The following SERPINB8 variants were observed in gnomAD, a reference collection of about 807,000 sequenced individuals.
SERPINB8 encodes the protein serpin family B member 8.
In SERPINB8, 25 loss-of-function variants were observed where a neutral mutation model predicts 35.3. The ratio of observed to expected loss-of-function variants is 0.71; its 90% CI spans 0.52 to 0.99. SERPINB8 has a LOEUF of 0.99. SERPINB8 is among the 50% of genes least tolerant of loss of function. SERPINB8 has a pLI of 0.00. For missense variants in SERPINB8, 484 were observed against 446.5 expected, an observed-to-expected ratio of 1.08 and a Z score of -0.76; for synonymous variants, 186 against 160.8, an observed-to-expected ratio of 1.16 and a Z score of -1.19.
At chr18:63,978,042 G>A (rs538593507) in intron 1 of SERPINB8, among the ~76,000 whole-genome samples, 8 of 152,180 alleles carry the variant, frequency 5.3e-5, no homozygotes, top group African/African-American at 9.6e-5. Context: ...TTTTAAGGAC[G>A]CTCGTGATTC....
intron 1 of SERPINB8, 46 bp from the exon 2 acceptor site, chr18:63,978,253 G>C: frequency 5.0e-6 from 8 of 1,603,570 alleles, no homozygotes; most frequent in Non-Finnish European, 6.8e-6. Context: ...CGTGGCTACC[G>C]GAGTCATTGG....
intron 1 of SERPINB8, among the ~76,000 whole-genome samples, chr18:63,996,704 C>T (rs963647550): frequency 5.9e-5 from 9 of 152,196 alleles, no homozygotes; most frequent in Admixed American, 1.3e-4. Flanking sequence ...ATGACTTTCA[C>T]GCAGCAACCC....
At chr18:63,997,830 G>T (rs574385060) in intron 1 of SERPINB8, among the ~76,000 whole-genome samples, 3 of 152,298 alleles carry the variant, frequency 2.0e-5, no homozygotes, top group African/African-American at 7.2e-5. Flanking sequence ...TGTTATCCTT[G>T]TGGGTGCTCA....
chr18:63,981,671 T>G (rs758670118), intron 3 of SERPINB8, 50 bp from the exon 4 acceptor site: 1 of 1,275,344 alleles, frequency 7.8e-7, no homozygotes, highest in African/African-American at 1.5e-5. Context: ...CTTTTGCATT[T>G]GTGGGAACCT....
intron 3 of SERPINB8, 47 bp from the exon 4 acceptor site, chr18:63,981,673 TG>T: frequency 1.5e-6 from 2 of 1,292,090 alleles, no homozygotes; most frequent in Non-Finnish European, 2.2e-6. Context: ...TTTGCATTTG[TG>T]GGAACCTTTA....
intron 7 of SERPINB8, among the ~76,000 whole-genome samples, chr18:64,015,614 C>A (rs1568084324): frequency 6.6e-6 from 1 of 152,058 alleles, no homozygotes; most frequent in East Asian, 1.9e-4. Flanking sequence ...ATGTCGATAC[C>A]TTTTTCATTT....
At chr18:64,004,585 T>C (rs544150937) in intron 1 of SERPINB8, among the ~76,000 whole-genome samples, 2 of 152,332 alleles carry the variant, frequency 1.3e-5, no homozygotes, top group South Asian at 4.1e-4. Context: ...TTTTAAGAGC[T>C]ATGTATATTA....
At chr18:63,971,136 G>C (rs1380001411) in intron 1 of SERPINB8, among the ~76,000 whole-genome samples, 1 of 151,998 alleles carries the variant, frequency 6.6e-6, no homozygotes, top group Admixed American at 6.6e-5. Flanking sequence ...AGCACACCCT[G>C]ATGGCTGGGT....
intron 5 of SERPINB8, 87 bp from the exon 6 acceptor site, chr18:63,985,006 C>T (rs538952900): frequency 1.1e-5 from 14 of 1,327,242 alleles, no homozygotes; most frequent in African/African-American, 5.9e-5. Flanking sequence ...TAATTATACA[C>T]ACCTAGAGTT....
chr18:64,007,244 A>G (rs889349131), downstream of SERPINB8, among the ~76,000 whole-genome samples: 3 of 152,104 alleles, frequency 2.0e-5, no homozygotes, highest in African/African-American at 7.2e-5. Flanking sequence ...AAAGTCTTCA[A>G]GAAGATGTAT....
chr18:63,979,757 G>A, intron 2 of SERPINB8, 44 bp from the exon 3 acceptor site: 8 of 1,611,872 alleles, frequency 5.0e-6, no homozygotes, highest in Non-Finnish European at 6.8e-6. Context: ...CTTTGGGAGA[G>A]TATAATGGCA....
downstream of SERPINB8, chr18:63,989,474 A>T (rs941430967): frequency 6.6e-6 from 1 of 152,220 alleles, no homozygotes; most frequent in African/African-American, 2.4e-5. Context: ...CTTTTTAAGG[A>T]TCTGCCAAAT....
exon 2 of SERPINB8, chr18:64,005,578 T>C (rs1161561371): frequency 6.6e-6 from 1 of 152,168 alleles, no homozygotes; most frequent in Non-Finnish European, 1.5e-5. Context: ...AATAAGCCCT[T>C]ACCAGACATC....
At chr18:64,000,253 T>G (rs923588955) in intron 1 of SERPINB8, among the ~76,000 whole-genome samples, 2 of 152,188 alleles carry the variant, frequency 1.3e-5, no homozygotes, top group African/African-American at 4.8e-5. Context: ...ATCATCCTAT[T>G]TGGAAACATT....
At chr18:64,009,849 G>A (rs1019712689), downstream of SERPINB8, among the ~76,000 whole-genome samples, 5 of 151,956 alleles carry the variant, frequency 3.3e-5, no homozygotes, top group Non-Finnish European at 7.4e-5. Flanking sequence ...AGAAAGTATG[G>A]CAAAATAATT....
downstream of SERPINB8, among the ~76,000 whole-genome samples, chr18:64,008,728 T>G (rs1027528086): frequency 2.6e-5 from 4 of 152,180 alleles, no homozygotes; most frequent in African/African-American, 9.7e-5. Context: ...AAATTTAAGT[T>G]ATTCAAATAT....
chr18:64,009,018 T>C (rs899742227), downstream of SERPINB8, among the ~76,000 whole-genome samples: 1 of 152,210 alleles, frequency 6.6e-6, no homozygotes, highest in Non-Finnish European at 1.5e-5. Flanking sequence ...AGTTAGTAAC[T>C]ATCATTATTA....
chr18:64,002,440 G>T (rs1160469926), intron 1 of SERPINB8, among the ~76,000 whole-genome samples: 2 of 152,076 alleles, frequency 1.3e-5, no homozygotes, highest in Non-Finnish European at 2.9e-5. Context: ...AAAGCCCAGG[G>T]TCCCAACTTC....
intron 7 of SERPINB8, among the ~76,000 whole-genome samples, chr18:64,014,777 C>T (rs2050941979): frequency 6.6e-6 from 1 of 152,046 alleles, no homozygotes; most frequent in Non-Finnish European, 1.5e-5. Flanking sequence ...AGGCTCCATG[C>T]CGTTTTTAAA....
Sources: gnomAD v4.1 joint callset for allele counts (sites outside exome capture counted in the v4.1 genomes callset) on GRCh38, gnomAD v4.1.1 for gene constraint, MANE v1.5 for transcripts, NCBI Gene and HGNC (gene_info 2026-07-23, HGNC 2026-07-21) for gene names.